AMN: variants seen among roughly 807,000 people sequenced by gnomAD.
The protein encoded by AMN is amnion associated transmembrane protein, also known as protein amnionless.
In AMN, 40 loss-of-function variants were observed where a neutral mutation model predicts 49.1. That is an observed-to-expected ratio of 0.81 (90% confidence interval 0.63 to 1.06). AMN has a LOEUF of 1.06. Among genes scored for constraint, AMN ranks in the 50% least tolerant of loss-of-function variants. The probability of loss-of-function intolerance (pLI) is 0.00; values close to 1 mark genes in which losing one functional copy is unlikely to be tolerated. For missense variants in AMN, 701 were observed against 662.8 expected (o/e 1.06, Z -0.63); for synonymous variants, 380 against 313.3 (o/e 1.21, Z -2.25).
Position 102,930,319 on chromosome 14 carries a change from G to A in AMN, c.1161G>A (p.Gly387=). ...LVAPPLLRRA[G]RLRWRRHEAA... The stretch of plus-strand genomic sequence containing the variant: ...CGCCGCCGCTGCTGCGCCGCGCGGG[G>A]AGGCTCAGGTACGCGGGGCGGGGGC... The change falls in exon 10 of 12, where the codon GGG becomes GGA. Residue 387 remains glycine, a synonymous_variant. Transcript: ENST00000299155. 1 of 1,381,964 alleles carries A rather than the reference G, an allele frequency of 7.2e-7. No homozygotes were observed. The highest frequency in any genetic ancestry group is 1.7e-5 in the South Asian group (1 of 59,638). 85.6% of individuals were successfully genotyped at this position (1,381,964 alleles called of 1,614,324 possible). A position where few individuals can be genotyped will look rare whatever the true frequency, so the allele number is the denominator to read the frequency against.
intron 3 of AMN, among the ~76,000 whole-genome samples, chr14:102,925,408 A>G (rs1219801469): frequency 1.3e-5 from 2 of 152,188 alleles, no homozygotes; most frequent in African/African-American, 4.8e-5. Flanking sequence ...GCTGCCACAC[A>G]CTGGGGAGGG....
chr14:102,926,437 A>C (rs1320756080), intron 3 of AMN, among the ~76,000 whole-genome samples: 1 of 152,084 alleles, frequency 6.6e-6, no homozygotes, highest in Non-Finnish European at 1.5e-5. Flanking sequence ...ACCCTACACT[A>C]TCCACACAGT....
chr14:102,929,115 C>T lies in AMN; in HGVS notation c.514-6C>T, dbSNP rs375320850. 9.4e-6 allele frequency: 15 copies of T among 1,597,482 alleles called. No homozygotes were observed. The African/African-American group carries it at 1.7e-4, about 18-fold the overall frequency. On this transcript the variant is annotated splice_region_variant and splice_polypyrimidine_tract_variant and intron_variant, in intron 5 of 11. Coordinates refer to ENST00000299155, the MANE Select transcript of AMN (RefSeq NM_030943.4). The stretch of plus-strand genomic sequence containing the variant: ...CTGGCTCCGGTGGGGACCCGGCTGC[C>T]CGCAGACGTTCACGCGCGACGAGGA...
chr14:102,930,239 C>G lies in AMN; in HGVS notation c.1081C>G (p.Leu361Val), dbSNP rs1891308793. Residue 361 changes from leucine (L) to valine (V), a missense_variant, in exon 10 of 12, where the codon CTG becomes GTG. Transcript: ENST00000299155. ...AHVWGSSAAG[L>V]AGGVAAAVLL... Reference sequence around the variant, plus strand: ...CGTCTGGGGCAGCTCCGCGGCTGGGCTGGCGGGCGGCGTGGCGGCTGCCGT... The same window carrying G: ...CGTCTGGGGCAGCTCCGCGGCTGGGGTGGCGGGCGGCGTGGCGGCTGCCGT... The G allele has an allele frequency of 5.8e-6, 8 of 1,386,644 alleles. No individual in the cohort carries two copies. Among genetic ancestry groups the G allele is most frequent in the Non-Finnish European group, 7.5e-6 (8 of 1,072,748 alleles). The allele number at this position is 1,386,644 out of a possible 1,614,324, so 85.9% of individuals were successfully genotyped here.
At chr14:102,922,822 C>G (rs1436104575) in intron 1 of AMN, 91 bp downstream of exon 1, 1 of 1,496,724 alleles carries the variant, frequency 6.7e-7, no homozygotes, top group Admixed American at 2.0e-5. Flanking sequence ...GGGTGAAGAT[C>G]TTCCGAGGAG....
rs999834788 is a variant in AMN, at chr14:102,930,476, A to G, written c.1240A>G (p.Thr414Ala). The G allele has an allele frequency of 1.2e-4, 184 of 1,531,848 alleles. No homozygotes were observed. The highest frequency in any genetic ancestry group is 1.6e-4 in the Non-Finnish European group (178 of 1,142,086). The allele number at this position is 1,531,848 out of a possible 1,614,324, so 94.9% of individuals were successfully genotyped here. The stretch of plus-strand genomic sequence containing the variant: ...CTTCCGCAACCCGGTGTTCGACGTG[A>G]CGGCCTCCGAGGAGCTGGTGAGGGG... ...LGFRNPVFDV[T>A]ASEELPLPRR... The change falls in exon 11 of 12, where the codon ACG (threonine) becomes GCG (alanine). Residue 414 changes from threonine to alanine, a missense_variant. By Grantham distance (58) the Thr-to-Ala change is moderately conservative. Coordinates refer to ENST00000299155, the MANE Select transcript of AMN (RefSeq NM_030943.4).
In AMN at chr14:102,930,418, C is replaced by A. The variant is rs1172789802; in HGVS notation, c.1182C>A (p.His394Gln). Residue 394 changes from histidine (H) to glutamine (Q), a missense_variant, in exon 11 of 12, where the codon CAC becomes CAA. Coordinates refer to ENST00000299155, the MANE Select transcript of AMN (RefSeq NM_030943.4). ...GCTACGCCCTCAGGTGGAGGAGGCACGAGGCGGCGGCCCCGGCTGGAGCGC... is the reference window on the plus strand; with the variant it reads ...GCTACGCCCTCAGGTGGAGGAGGCAAGAGGCGGCGGCCCCGGCTGGAGCGC... ...RRAGRLRWRRHEAAAPAGAPL... is the reference protein window; with the variant it reads ...RRAGRLRWRRQEAAAPAGAPL... 1 of 1,519,924 alleles carries A rather than the reference C, an allele frequency of 6.6e-7. No individual in the cohort carries two copies. The highest frequency in any genetic ancestry group is 1.4e-5 in the African/African-American group (1 of 71,180). The allele number at this position is 1,519,924 out of a possible 1,614,324, so 94.2% of individuals were successfully genotyped here.
At chr14:102,924,331 G>A (rs1433752422) in intron 3 of AMN, among the ~76,000 whole-genome samples, 1 of 122,044 alleles carries the variant, frequency 8.2e-6, no homozygotes, top group East Asian at 2.3e-4. Flanking sequence ...AGAACACTAG[G>A]GAAAGTGTCC....
chr14:102,930,260 G>A lies in AMN; in HGVS notation c.1102G>A (p.Ala368Thr). 1 of 1,381,910 alleles carries A rather than the reference G, an allele frequency of 7.2e-7. No individual in the cohort carries two copies. Among genetic ancestry groups the A allele is most frequent in the South Asian group, 1.7e-5 (1 of 59,926 alleles). The allele number at this position is 1,381,910 out of a possible 1,614,324, so 85.6% of individuals were successfully genotyped here. A position where few individuals can be genotyped will look rare whatever the true frequency, so the allele number is the denominator to read the frequency against. The change falls in exon 10 of 12, where the codon GCC becomes ACC. Residue 368 changes from alanine (A) to threonine (T), a missense_variant. Coordinates refer to ENST00000299155, the MANE Select transcript of AMN (RefSeq NM_030943.4). ...TGGGCTGGCGGGCGGCGTGGCGGCT[G>A]CCGTGCTGCTGGCGCTGCTGGTCCT... ...AAGLAGGVAA[A>T]VLLALLVLLV...
intron 1 of AMN, chr14:102,923,086 G>A: frequency 6.9e-6 from 2 of 291,050 alleles, no homozygotes; most frequent in Non-Finnish European, 6.5e-6. Flanking sequence ...TCGGCAGACC[G>A]CCTCAGCTTC....
chr14:102,930,602 T>C lies in AMN; in HGVS notation c.1284T>C (p.Val428=), dbSNP rs770195778. 4 of 1,588,316 alleles carry C rather than the reference T, an allele frequency of 2.5e-6. No individual in the cohort carries two copies. The African/African-American group carries it at 5.4e-5, about 21-fold the overall frequency. ...ELPLPRRLSL[V]PKAAADSTSH... is the part of the protein sequence containing the mutation. ...CCCTGCCGCGGCGGCTCAGCCTGGT[T>C]CCGAAGGCGGCCGCAGACAGCACCA... is the stretch of plus-strand genomic sequence containing the variant. The change falls in exon 12 of 12, where the codon GTT becomes GTC. Residue 428 remains valine (V), a synonymous_variant. Transcript: ENST00000299155.
Position 102,922,722 on chromosome 14 carries a change from C to T in AMN, c.34C>T (p.Gln12Ter), listed in dbSNP as rs1891083321. ...GVLGRVLLWL[Q>*]LCALTQAVSK... ...CCTGGGCCGGGTCCTGCTGTGGCTGCAGCTCTGCGGTGAGCCGGGACCACA... is the reference window on the plus strand; with the variant it reads ...CCTGGGCCGGGTCCTGCTGTGGCTGTAGCTCTGCGGTGAGCCGGGACCACA... Residue 12 changes from glutamine to a stop codon, truncating the protein, a stop_gained, in exon 1 of 12, where the codon CAG becomes TAG. Coordinates refer to ENST00000299155, the MANE Select transcript of AMN (RefSeq NM_030943.4). LOFTEE classifies it high-confidence loss of function. 1.5e-5 allele frequency: 24 copies of T among 1,591,900 alleles called. No homozygotes were observed. Among genetic ancestry groups the T allele is most frequent in the Non-Finnish European group, 1.9e-5 (22 of 1,172,836 alleles).
chr14:102,926,988 G>A (rs1007096503), intron 3 of AMN, among the ~76,000 whole-genome samples: 6 of 152,140 alleles, frequency 3.9e-5, no homozygotes, highest in Non-Finnish European at 7.4e-5. Context: ...ACCTCCCTGG[G>A]CGCAAACAAT....
At position 102,929,220 on chromosome 14, in the gene AMN, T is replaced by G; in HGVS notation, c.613T>G (p.Cys205Gly). Residue 205 changes from cysteine (C) to glycine (G), a missense_variant, in exon 6 of 12, where the codon TGC (cysteine) becomes GGC (glycine). Transcript: ENST00000299155. ...PGALSVGPED[C>G]ADPSGCVCGN... ...CGCGCTGAGCGTGGGCCCCGAGGAC[T>G]GCGCGGACCCGTCGGGCTGCGTCTG... is the stretch of plus-strand genomic sequence containing the variant. 6.4e-7 allele frequency: 1 copy of G among 1,562,098 alleles called. No individual in the cohort carries two copies. Among genetic ancestry groups the G allele is most frequent in the Non-Finnish European group, 8.6e-7 (1 of 1,162,870 alleles).
At chr14:102,925,933 C>T (rs559994827) in intron 3 of AMN, among the ~76,000 whole-genome samples, 281 of 152,298 alleles carry the variant, frequency 1.8e-3, no homozygotes, top group Middle Eastern at 3.4e-3. Flanking sequence ...ACAGGCCGTG[C>T]ACATCAGTGC....
Position 102,930,581 on chromosome 14 carries a change from G to A in AMN, c.1263G>A (p.Leu421=), listed in dbSNP as rs765992885. Reference sequence around the variant, plus strand: ...CTGACCCTGTCACCCCGCAGCCCCTGCCGCGGCGGCTCAGCCTGGTTCCGA... The same window carrying A: ...CTGACCCTGTCACCCCGCAGCCCCTACCGCGGCGGCTCAGCCTGGTTCCGA... ...FDVTASEELP[L]PRRLSLVPKA... Residue 421 remains leucine, a synonymous_variant, in exon 12 of 12, where the codon CTG becomes CTA. Coordinates refer to ENST00000299155, the MANE Select transcript of AMN (RefSeq NM_030943.4). 6.3e-7 allele frequency: 1 copy of A among 1,577,456 alleles called. No homozygotes were observed. The highest frequency in any genetic ancestry group is 8.6e-7 in the Non-Finnish European group (1 of 1,163,586).
In AMN at chr14:102,929,399, T is replaced by C. The variant is rs1891276085; in HGVS notation, c.652-29T>C. On this transcript the variant is annotated intron_variant, in intron 6 of 11. Coordinates refer to ENST00000299155, the MANE Select transcript of AMN (RefSeq NM_030943.4). ...TTCTCGCTGCGGTCCGCTCTGGCCC[T>C]CCGCGCTGACCACCGCCCCTCGCAC... 5 of 1,527,738 alleles carry C rather than the reference T, an allele frequency of 3.3e-6. No individual in the cohort carries two copies. In the African/African-American group the frequency reaches 5.5e-5, roughly 17 times the overall value. 94.6% of individuals were successfully genotyped at this position (1,527,738 alleles called of 1,614,324 possible).
intron 3 of AMN, among the ~76,000 whole-genome samples, chr14:102,927,703 C>T (rs1891218450): frequency 6.6e-6 from 1 of 152,094 alleles, no homozygotes; most frequent in Admixed American, 6.6e-5. Context: ...TCACCCTCAG[C>T]CCCTGAGGGA....
In AMN at chr14:102,928,755, C is replaced by A. The variant is rs764763091; in HGVS notation, c.296-3C>A. ...TGGAGCTCAGGGATGTGCTCCGGCT[C>A]AGGCGAACCTGCCGTCTTCCGCGAC... On this transcript the variant is annotated splice_polypyrimidine_tract_variant and splice_region_variant and intron_variant, in intron 4 of 11. Transcript: ENST00000299155. The A allele has an allele frequency of 6.2e-7, 1 of 1,606,792 alleles. No individual in the cohort carries two copies. The highest frequency in any genetic ancestry group is 2.2e-5 in the East Asian group (1 of 44,752).
Sources: allele counts gnomAD v4.1 joint callset (sites outside exome capture counted in the v4.1 genomes callset), GRCh38; gene constraint gnomAD v4.1.1; transcripts MANE v1.5; gene names NCBI Gene and HGNC (gene_info 2026-07-23, HGNC 2026-07-21).